The following RBMS3 variants were observed in gnomAD, a reference collection of about 807,000 sequenced individuals.
RBMS3 encodes the protein RNA binding motif single stranded interacting protein 3.
RBMS3 carries 27 observed loss-of-function variants against 66.8 expected under a neutral mutation model. The observed-to-expected ratio is 0.40, with a 90% CI of 0.30 to 0.56. The LOEUF is 0.56. RBMS3 is among the 20% of genes least tolerant of loss of function. The probability of loss-of-function intolerance (pLI) is 0.40; values close to 1 mark genes in which losing one functional copy is unlikely to be tolerated. For synonymous variants in RBMS3, 188 were observed against 183.0 expected, an observed-to-expected ratio of 1.03 and a Z score of -0.22; for missense variants, 513 against 549.5, an observed-to-expected ratio of 0.93 and a Z score of 0.66.
intron 4 of RBMS3, chr3:29,698,270 A>G (rs563680458): frequency 2.0e-6 from 2 of 985,420 alleles, no homozygotes; most frequent in South Asian, 9.4e-5. Context: ...AAATGCAGCC[A>G]TGGCAAAATG....
chr3:29,849,530 A>G (rs1006235775), intron 6 of RBMS3, among the ~76,000 whole-genome samples: 1 of 151,846 alleles, frequency 6.6e-6, no homozygotes, highest in African/African-American at 2.4e-5. Context: ...AAAAAGAAAA[A>G]AAAAAAAAAA....
intron 6 of RBMS3, among the ~76,000 whole-genome samples, chr3:29,850,935 C>T (rs1385018405): frequency 2.0e-5 from 3 of 152,174 alleles, no homozygotes; most frequent in Non-Finnish European, 4.4e-5. Flanking sequence ...GCCATTTTTC[C>T]AAAGAGCTGA....
intron 1 of RBMS3, among the ~76,000 whole-genome samples, chr3:29,287,359 T>G (rs2032439510): frequency 2.0e-5 from 3 of 152,132 alleles, no homozygotes; most frequent in African/African-American, 7.2e-5. Flanking sequence ...CATTTCTGTT[T>G]TGAAATTATA....
intron 5 of RBMS3, among the ~76,000 whole-genome samples, chr3:29,762,652 G>A (rs918187851): frequency 3.3e-5 from 5 of 152,160 alleles, no homozygotes; most frequent in East Asian, 1.9e-4. Context: ...AGATAATGCC[G>A]CAGGGTTACC....
rs1056698613 is a variant in RBMS3 at position 29,435,853 on chromosome 3, T to C, written c.248+938T>C. Among the ~76,000 whole-genome samples, 4 of 151,222 alleles carry C rather than the reference T, an allele frequency of 2.6e-5. 1 individual carries two copies. Among genetic ancestry groups the C allele is most frequent in the Admixed American group, 2.6e-4 (4 of 15,212 alleles). ...AGACGGGCATGGTGGCGGGCGCCTGTAGTCCGAGCTACTCAGGAGGCTGAG... is the reference window on the plus strand; with the variant it reads ...AGACGGGCATGGTGGCGGGCGCCTGCAGTCCGAGCTACTCAGGAGGCTGAG... On this transcript the variant is annotated intron_variant, in intron 2 of 14. Transcript: ENST00000383767.
chr3:29,439,771 A>C (rs745518543), intron 2 of RBMS3, among the ~76,000 whole-genome samples: 1 of 152,012 alleles, frequency 6.6e-6, no homozygotes, highest in African/African-American at 2.4e-5. Context: ...TTTCTTACCC[A>C]GTCTTGAACG....
chr3:29,466,428 T>A (rs1294823771), intron 2 of RBMS3, among the ~76,000 whole-genome samples: 1 of 152,198 alleles, frequency 6.6e-6, no homozygotes, highest in Non-Finnish European at 1.5e-5. Context: ...ATTGTTTATA[T>A]ATTTTTTTAG....
intron 6 of RBMS3, among the ~76,000 whole-genome samples, chr3:29,847,511 C>T (rs1486591110): frequency 1.3e-5 from 2 of 152,242 alleles, no homozygotes; most frequent in South Asian, 2.1e-4. Context: ...GAGTCAGTGC[C>T]ACAATGCAAG....
At chr3:29,704,185 C>T (rs569379617) in intron 4 of RBMS3, among the ~76,000 whole-genome samples, 5 of 152,190 alleles carry the variant, frequency 3.3e-5, no homozygotes, top group South Asian at 2.1e-4. Flanking sequence ...AAACGTAATG[C>T]GCTTGAATCA....
At chr3:30,003,014 CTT>C (rs1699678793) in intron 14 of RBMS3, among the ~76,000 whole-genome samples, 1 of 152,004 alleles carries the variant, frequency 6.6e-6, no homozygotes, top group African/African-American at 2.4e-5. Context: ...ACTTGCATAA[CTT>C]TTTGCTGGCA....
At chr3:29,697,192 T>C (rs2052319176) in intron 4 of RBMS3, 8 of 767,414 alleles carry the variant, frequency 1.0e-5, no homozygotes, top group Middle Eastern at 1.3e-3. Flanking sequence ...TTCCTGAACA[T>C]ATATTCTTAA....
intron 1 of RBMS3, among the ~76,000 whole-genome samples, chr3:29,340,149 G>A (rs1301424133): frequency 6.6e-6 from 1 of 152,126 alleles, no homozygotes; most frequent in African/African-American, 2.4e-5. Context: ...CTTCTCCCAG[G>A]ACTGGCTACA....
intron 10 of RBMS3, among the ~76,000 whole-genome samples, chr3:29,935,571 T>C (rs1226217108): frequency 6.6e-6 from 1 of 152,144 alleles, no homozygotes; most frequent in African/African-American, 2.4e-5. Flanking sequence ...TAGATTTTAA[T>C]ATGTCCTTCA....
chr3:29,419,679 T>C (rs1335742002), intron 1 of RBMS3, among the ~76,000 whole-genome samples: 2 of 152,200 alleles, frequency 1.3e-5, no homozygotes, highest in African/African-American at 4.8e-5. Flanking sequence ...GCTTCACTGG[T>C]TTGTAAACTT....
At chr3:29,998,300 T>C (rs1278581683) in intron 14 of RBMS3, among the ~76,000 whole-genome samples, 1 of 152,222 alleles carries the variant, frequency 6.6e-6, no homozygotes, top group African/African-American at 2.4e-5. Context: ...TCCATGCTCA[T>C]GGGTAGGAAG....
intron 10 of RBMS3, among the ~76,000 whole-genome samples, chr3:29,900,461 C>T (rs1024090316): frequency 2.0e-5 from 3 of 151,602 alleles, no homozygotes; most frequent in Admixed American, 6.6e-5. Flanking sequence ...AAAAGTATGA[C>T]GTATTACATT....
Position 29,439,612 on chromosome 3 carries a change from T to TATTTATTA in RBMS3, c.248+4697_248+4698insATTTATTA, listed in dbSNP as rs1553603339. 4.1e-3 allele frequency among the ~76,000 whole-genome samples: 430 copies of TATTTATTA among 104,030 alleles called. 1 individual carries two copies. The highest frequency in any genetic ancestry group is 0.014 in the African/African-American group (404 of 29,138). 68.2% of individuals were successfully genotyped at this position (104,030 alleles called of 152,430 possible). A position where few individuals can be genotyped will look rare whatever the true frequency, so the allele number is the denominator to read the frequency against. On this transcript the variant is annotated intron_variant, in intron 2 of 14. Coordinates refer to ENST00000383767, the MANE Select transcript of RBMS3 (RefSeq NM_001003793.3). ...ATCTCTTTTTATTTATTTATTTATT[T>TATTTATTA]TTATTATTATTATACTTTAAGTTTT...
chr3:29,717,213 C>T (rs1488452792), intron 4 of RBMS3, among the ~76,000 whole-genome samples: 5 of 151,956 alleles, frequency 3.3e-5, no homozygotes, highest in Admixed American at 1.3e-4. Flanking sequence ...GGTAATGCAA[C>T]GCACAGTGCT....
intron 3 of RBMS3, among the ~76,000 whole-genome samples, chr3:29,576,358 G>A (rs942966318): frequency 6.6e-6 from 1 of 152,148 alleles, no homozygotes; most frequent in Non-Finnish European, 1.5e-5. Context: ...GAAACTGGAG[G>A]TGTGGTGATG....
Sources: allele counts gnomAD v4.1 joint callset (sites outside exome capture counted in the v4.1 genomes callset), GRCh38; gene constraint gnomAD v4.1.1; transcripts MANE v1.5; gene names NCBI Gene and HGNC (gene_info 2026-07-23, HGNC 2026-07-21).